The following KCNQ5 variants were observed in gnomAD, a reference collection of about 807,000 sequenced individuals.
The protein encoded by KCNQ5 is potassium voltage-gated channel subfamily KQT member 5.
A neutral mutation model predicts 98.2 loss-of-function variants in KCNQ5; 30 were observed. That is an observed-to-expected ratio of 0.31 (90% CI 0.23 to 0.41). KCNQ5 has a LOEUF of 0.41. Among genes scored for constraint, KCNQ5 ranks in the 10% least tolerant of loss-of-function variants. The pLI, the probability that KCNQ5 is intolerant of heterozygous loss-of-function variation, is 1.00. For synonymous variants in KCNQ5, 458 were observed against 449.4 expected (o/e 1.02, Z -0.24); for missense variants, 835 against 1,182.5 (o/e 0.71, Z 4.31).
chr6:72,643,618 C>T (rs1765438833), intron 1 of KCNQ5, among the ~76,000 whole-genome samples: 1 of 152,060 alleles, frequency 6.6e-6, no homozygotes. Flanking sequence ...GATGCTCAAA[C>T]AGTAAGTGTC....
intron 1 of KCNQ5, among the ~76,000 whole-genome samples, chr6:72,921,813 A>T: frequency 6.6e-6 from 1 of 152,204 alleles, no homozygotes; most frequent in Non-Finnish European, 1.5e-5. Flanking sequence ...CCAGTGGACC[A>T]AAACAAAGCT....
At chr6:73,148,695 G>C (rs1777019056) in intron 10 of KCNQ5, among the ~76,000 whole-genome samples, 1 of 152,160 alleles carries the variant, frequency 6.6e-6, no homozygotes. Flanking sequence ...AAGTCACTGA[G>C]AATATAGTTT....
chr6:72,851,317 A>AT (rs2150142481), intron 1 of KCNQ5, among the ~76,000 whole-genome samples: 1 of 152,266 alleles, frequency 6.6e-6, no homozygotes, highest in South Asian at 2.1e-4. Flanking sequence ...ACAAAATACA[A>AT]TTTTGTGTCT....
At chr6:73,169,660 CCCG>C in intron 10 of KCNQ5, 83 bp from the exon 11 acceptor site, 1 of 905,762 alleles carries the variant, frequency 1.1e-6, no homozygotes. Context: ...CTGTGAGTAT[CCCG>C]CCATTTCCAC....
chr6:73,037,911 A>G (rs1771512478), intron 2 of KCNQ5, among the ~76,000 whole-genome samples: 1 of 152,140 alleles, frequency 6.6e-6, no homozygotes, highest in Non-Finnish European at 1.5e-5. Context: ...CCCCCAAAAA[A>G]AACTTTGCTG....
chr6:73,129,731 C>T (rs1582411464), intron 9 of KCNQ5: 3 of 1,413,174 alleles, frequency 2.1e-6, no homozygotes, highest in East Asian at 4.7e-5. Flanking sequence ...AAAAGAATCC[C>T]TGAGCACTTT....
intron 10 of KCNQ5, among the ~76,000 whole-genome samples, chr6:73,168,403 A>G (rs551862435): frequency 1.3e-5 from 2 of 152,186 alleles, no homozygotes; most frequent in African/African-American, 2.4e-5. Flanking sequence ...CTTGGACCAT[A>G]TAAAAATGGT....
chr6:73,073,884 T>C (rs1293636957), intron 3 of KCNQ5, among the ~76,000 whole-genome samples: 1 of 152,120 alleles, frequency 6.6e-6, no homozygotes, highest in African/African-American at 2.4e-5. Context: ...TATATGCATA[T>C]ACTTTAAATA....
chr6:72,881,836 T>C (rs6903864), intron 1 of KCNQ5, among the ~76,000 whole-genome samples: 91,211 of 152,006 alleles, frequency 0.6, 28,053 homozygotes, highest in East Asian at 0.79. Context: ...GGATTGCAGA[T>C]GCATGCCACC....
intron 11 of KCNQ5, among the ~76,000 whole-genome samples, chr6:73,180,862 T>A (rs546348371): frequency 9.4e-5 from 13 of 138,030 alleles, no homozygotes; most frequent in Non-Finnish European, 2.1e-4. Flanking sequence ...TCTCCGCCCT[T>A]GCACATGGTT....
intron 1 of KCNQ5, among the ~76,000 whole-genome samples, chr6:72,972,445 A>G (rs188798934): frequency 1.3e-5 from 2 of 151,874 alleles, no homozygotes; most frequent in African/African-American, 4.8e-5. Flanking sequence ...TATGTGTGCC[A>G]TGGTGGTTTG....
At chr6:72,677,419 G>T (rs1486153114) in intron 1 of KCNQ5, among the ~76,000 whole-genome samples, 1 of 152,068 alleles carries the variant, frequency 6.6e-6, no homozygotes, top group African/African-American at 2.4e-5. Flanking sequence ...TTGCAGTAAA[G>T]ATTATCATCA....
intron 1 of KCNQ5, among the ~76,000 whole-genome samples, chr6:72,740,717 C>T (rs1196607584): frequency 1.3e-5 from 2 of 152,034 alleles, no homozygotes; most frequent in Non-Finnish European, 2.9e-5. Context: ...TGAAAAGATT[C>T]TAGGAAGTTG....
intron 10 of KCNQ5, chr6:73,157,440 C>A (rs530931983): frequency 1.2e-5 from 8 of 660,972 alleles, no homozygotes; most frequent in Non-Finnish European, 1.9e-5. Context: ...GGGGCGGGGG[C>A]GGTGGGAGCT....
intron 1 of KCNQ5, among the ~76,000 whole-genome samples, chr6:72,799,990 C>T (rs1173182070): frequency 6.6e-6 from 1 of 151,726 alleles, no homozygotes; most frequent in Non-Finnish European, 1.5e-5. Flanking sequence ...ATTTTAAGGC[C>T]ATTTAGAATA....
intron 2 of KCNQ5, among the ~76,000 whole-genome samples, chr6:73,016,586 A>G (rs2150335276): frequency 6.6e-6 from 1 of 152,252 alleles, no homozygotes; most frequent in South Asian, 2.1e-4. Flanking sequence ...CTGACTTTAG[A>G]ATGGACTAGA....
intron 1 of KCNQ5, among the ~76,000 whole-genome samples, chr6:72,732,499 A>T (rs1053693747): frequency 1.3e-5 from 2 of 151,706 alleles, no homozygotes; most frequent in African/African-American, 4.8e-5. Flanking sequence ...CAAGTGAAAG[A>T]GAGTGCGGTT....
At chr6:73,028,039 T>C (rs978127596) in intron 2 of KCNQ5, among the ~76,000 whole-genome samples, 1 of 152,264 alleles carries the variant, frequency 6.6e-6, no homozygotes, top group Non-Finnish European at 1.5e-5. Flanking sequence ...AAAAAAATTC[T>C]TGCCTTAATA....
chr6:73,191,018 T>C (rs1471574951), intron 12 of KCNQ5, among the ~76,000 whole-genome samples: 1 of 152,236 alleles, frequency 6.6e-6, no homozygotes, highest in African/African-American at 2.4e-5. Flanking sequence ...CCTGGTACTG[T>C]GTCTAATAAA....
Sources: gnomAD v4.1 joint callset for allele counts (sites outside exome capture counted in the v4.1 genomes callset) on GRCh38, gnomAD v4.1.1 for gene constraint, MANE v1.5 for transcripts, NCBI Gene and HGNC (gene_info 2026-07-23, HGNC 2026-07-21) for gene names.